Variants in CDH12 observed in about 807,000 individuals in gnomAD.
CDH12 encodes cadherin 12, also known as cadherin-12.
Under a neutral mutation model 74.1 loss-of-function variants are expected in CDH12, and 41 were observed. The observed-to-expected ratio is 0.55, with a 90% CI of 0.43 to 0.72. The LOEUF is 0.72. Ranked by LOEUF, CDH12 falls within the 30% of genes least tolerant of loss-of-function variation. The pLI, the probability that CDH12 is intolerant of heterozygous loss-of-function variation, is 0.00. For synonymous variants in CDH12, 399 were observed against 355.0 expected (o/e 1.12, Z -1.39); for missense variants, 945 against 977.2 (o/e 0.97, Z 0.44).
chr5:22,730,960 A>G (rs1011012118), intron 1 of CDH12, among the ~76,000 whole-genome samples: 2 of 151,838 alleles, frequency 1.3e-5, no homozygotes, highest in Admixed American at 6.6e-5. Context: ...ACATAACCCA[A>G]TTGAAAGATT....
intron 3 of CDH12, among the ~76,000 whole-genome samples, chr5:22,301,985 A>C (rs919708517): frequency 6.8e-6 from 1 of 146,554 alleles, no homozygotes; most frequent in African/African-American, 2.5e-5. Context: ...CTTTATAAAA[A>C]CATATAGGTA....
At chr5:21,760,273 T>C (rs1744642717) in intron 13 of CDH12, among the ~76,000 whole-genome samples, 1 of 152,098 alleles carries the variant, frequency 6.6e-6, no homozygotes, top group Non-Finnish European at 1.5e-5. Flanking sequence ...TTGGGACAAA[T>C]GATATGTTTA....
chr5:22,013,378 C>A (rs1264885261), intron 5 of CDH12, among the ~76,000 whole-genome samples: 1 of 152,174 alleles, frequency 6.6e-6, no homozygotes, highest in Non-Finnish European at 1.5e-5. Flanking sequence ...AGGTCCCTCC[C>A]TTGCTAGGTG....
At chr5:21,816,336 A>T (rs73054943) in intron 9 of CDH12, among the ~76,000 whole-genome samples, 1,839 of 152,176 alleles carry the variant, frequency 0.012, 39 homozygotes, top group African/African-American at 0.041. Context: ...GTAAGAATAC[A>T]GTATATACGG....
At chr5:21,823,763 GAAAA>G (rs1002317289) in intron 8 of CDH12, among the ~76,000 whole-genome samples, 4 of 149,536 alleles carry the variant, frequency 2.7e-5, no homozygotes, top group Non-Finnish European at 5.9e-5. Context: ...CACAGAAAAA[GAAAA>G]AAAAATGATG....
rs758661708 is a variant in CDH12 at position 22,357,417 on chromosome 5, C to T, written c.-333+47840G>A. Among the ~76,000 whole-genome samples, 6 of 151,936 alleles carry T rather than the reference C, an allele frequency of 3.9e-5. 1 individual carries two copies. The highest frequency in any genetic ancestry group is 3.9e-4 in the East Asian group (2 of 5,164). Reference sequence around the variant, plus strand: ...AGAAAATCCTTATCAGATGTTAACTCGGTACCCCAAATGGAAGATAAAAAT... The same window carrying T: ...AGAAAATCCTTATCAGATGTTAACTTGGTACCCCAAATGGAAGATAAAAAT... On this transcript the variant is annotated intron_variant, in intron 3 of 14. Coordinates refer to ENST00000382254, the MANE Select transcript of CDH12 (RefSeq NM_004061.5).
chr5:22,804,089 G>A (rs185161387), intron 1 of CDH12, among the ~76,000 whole-genome samples: 1 of 151,984 alleles, frequency 6.6e-6, no homozygotes, highest in East Asian at 1.9e-4. Context: ...AATATTAAAA[G>A]GTATTTTGTT....
chr5:22,478,159 C>T (rs1397519643), intron 2 of CDH12, among the ~76,000 whole-genome samples: 1 of 151,962 alleles, frequency 6.6e-6, no homozygotes, highest in Non-Finnish European at 1.5e-5. Context: ...TGGCTCACGC[C>T]TGTAATCCCA....
chr5:22,842,260 A>G (rs1200159184), intron 1 of CDH12, among the ~76,000 whole-genome samples: 2 of 152,172 alleles, frequency 1.3e-5, no homozygotes, highest in African/African-American at 4.8e-5. Context: ...CAATCTAAAA[A>G]GTATTTTAAA....
At chr5:22,696,143 C>T (rs907264178) in intron 1 of CDH12, among the ~76,000 whole-genome samples, 12 of 151,902 alleles carry the variant, frequency 7.9e-5, no homozygotes, top group South Asian at 2.1e-4. Context: ...CTGAGGCAGG[C>T]GGATTGCAAG....
At chr5:21,848,726 A>C (rs1396709388) in intron 7 of CDH12, among the ~76,000 whole-genome samples, 5 of 151,916 alleles carry the variant, frequency 3.3e-5, no homozygotes, top group Non-Finnish European at 7.4e-5. Flanking sequence ...TAACTGTATC[A>C]TGTCTTAACT....
chr5:21,827,603 AT>A (rs1328599062), intron 8 of CDH12, among the ~76,000 whole-genome samples: 2 of 152,178 alleles, frequency 1.3e-5, no homozygotes, highest in East Asian at 3.9e-4. Context: ...ATTATGTTTA[AT>A]AAATGCCTAT....
intron 6 of CDH12, among the ~76,000 whole-genome samples, chr5:21,866,871 A>AG (rs1436418687): frequency 6.6e-6 from 1 of 152,132 alleles, no homozygotes. Flanking sequence ...GAGGTCTAGG[A>AG]GGAAAAAAAA....
intron 3 of CDH12, among the ~76,000 whole-genome samples, chr5:22,295,634 T>C (rs1161915919): frequency 1.3e-5 from 2 of 152,016 alleles, no homozygotes; most frequent in Non-Finnish European, 2.9e-5. Context: ...CAAATATGTG[T>C]TACATCTACA....
intron 5 of CDH12, among the ~76,000 whole-genome samples, chr5:22,036,131 C>T (rs1412526946): frequency 6.6e-6 from 1 of 152,148 alleles, no homozygotes; most frequent in East Asian, 1.9e-4. Context: ...AATGAAAATG[C>T]TTTTTCCTGC....
chr5:22,261,139 A>G (rs1464615575), intron 3 of CDH12, among the ~76,000 whole-genome samples: 2 of 151,702 alleles, frequency 1.3e-5, no homozygotes, highest in Non-Finnish European at 2.9e-5. Flanking sequence ...TGGGACTTCA[A>G]TGGAAATTTG....
At chr5:21,920,384 T>C (rs1040752804) in intron 6 of CDH12, among the ~76,000 whole-genome samples, 2 of 152,144 alleles carry the variant, frequency 1.3e-5, no homozygotes, top group Non-Finnish European at 2.9e-5. Context: ...GTAAGTTACT[T>C]TGAATGACTC....
At position 22,501,197 on chromosome 5, in the gene CDH12, G is replaced by T. The variant is rs191514697; in HGVS notation, c.-428+4073C>A. ...AAGATTAACTGAAAATATGCACCATGGAATAAAATGCATGTAAATGACCTT... is the reference window on the plus strand; with the variant it reads ...AAGATTAACTGAAAATATGCACCATTGAATAAAATGCATGTAAATGACCTT... On this transcript the variant is annotated intron_variant, in intron 2 of 14. Transcript: ENST00000382254. Among the ~76,000 whole-genome samples the T allele has an allele frequency of 2.5e-3, 384 of 152,236 alleles. 2 individuals carry two copies. Among genetic ancestry groups the T allele is most frequent in the Non-Finnish European group, 2.7e-3 (183 of 68,006 alleles).
chr5:22,783,696 A>G (rs1403794169), intron 1 of CDH12, among the ~76,000 whole-genome samples: 1 of 152,288 alleles, frequency 6.6e-6, no homozygotes, highest in East Asian at 1.9e-4. Flanking sequence ...GCTAAACAAA[A>G]GAAGTAGCCA....
Sources: gnomAD v4.1 joint callset for allele counts (sites outside exome capture counted in the v4.1 genomes callset) on GRCh38, gnomAD v4.1.1 for gene constraint, MANE v1.5 for transcripts, NCBI Gene and HGNC (gene_info 2026-07-23, HGNC 2026-07-21) for gene names.